BDNF: variants seen among roughly 807,000 people sequenced by gnomAD.
The protein encoded by BDNF is brain derived neurotrophic factor.
A neutral mutation model predicts 19.5 loss-of-function variants in BDNF; 1 was observed. The observed-to-expected ratio is 0.05, with a 90% CI of 0.02 to 0.24. The LOEUF is 0.24. BDNF is among the 10% of genes least tolerant of loss of function. The pLI, the probability that BDNF is intolerant of heterozygous loss-of-function variation, is 1.00. For missense variants in BDNF, 195 were observed against 317.6 expected (o/e 0.61, Z 2.93); for synonymous variants, 100 against 121.6 (o/e 0.82, Z 1.17).
chr11:27,681,766 AAC>A (rs1433002563), intron 1 of BDNF, among the ~76,000 whole-genome samples: 1 of 152,164 alleles, frequency 6.6e-6, no homozygotes, highest in Non-Finnish European at 1.5e-5. Flanking sequence ...TAAAAATAAA[AAC>A]AGTGGCTGAA....
chr11:27,657,617 A>G lies in BDNF; in HGVS notation c.*204T>C. 1 of 1,385,322 alleles carries G rather than the reference A, an allele frequency of 7.2e-7. No homozygotes were observed. The highest frequency in any genetic ancestry group is 9.3e-7 in the Non-Finnish European group (1 of 1,073,642). 85.8% of individuals were successfully genotyped at this position (1,385,322 alleles called of 1,614,324 possible). ...CAAGGAATGTAATGCAGACTTTTTA[A>G]GTTGTGCGCAAATGACTGTTTCCCT... is the stretch of plus-strand genomic sequence containing the variant. On this transcript the variant is annotated 3_prime_UTR_variant, in exon 2 of 2. Transcript: ENST00000356660. The surrounding 1 kb of genome is among the most constrained non-coding windows in gnomAD (Gnocchi z 5.0).
At chr11:27,697,795 C>T (rs1859292929) in intron 1 of BDNF, 1 of 152,146 alleles carries the variant, frequency 6.6e-6, no homozygotes, top group Non-Finnish European at 1.5e-5. Flanking sequence ...ACTAACTCAG[C>T]TCTGAATGGG....
intron 1 of BDNF, chr11:27,699,364 C>A: frequency 6.2e-7 from 1 of 1,614,016 alleles, no homozygotes; most frequent in Non-Finnish European, 8.5e-7. Flanking sequence ...TATTTCTTTC[C>A]AGGAGTAACT....
chr11:27,708,014 A>T (rs892213089), intron 1 of BDNF, among the ~76,000 whole-genome samples: 3 of 152,216 alleles, frequency 2.0e-5, no homozygotes, highest in Non-Finnish European at 2.9e-5. Flanking sequence ...AATGAAGACC[A>T]ACACTTCCTT....
intron 1 of BDNF, chr11:27,699,276 C>T: frequency 6.7e-7 from 1 of 1,500,268 alleles, no homozygotes; most frequent in Non-Finnish European, 9.3e-7. Context: ...AGCCCCGAGG[C>T]TTCTTCCTTA....
intron 1 of BDNF, among the ~76,000 whole-genome samples, chr11:27,681,845 C>T (rs984655820): frequency 6.6e-6 from 1 of 152,070 alleles, no homozygotes; most frequent in African/African-American, 2.4e-5. Context: ...ACATTTAATC[C>T]CTACCAATAC....
chr11:27,706,179 A>T (rs1285248724), intron 1 of BDNF, among the ~76,000 whole-genome samples: 3 of 152,232 alleles, frequency 2.0e-5, no homozygotes, highest in Non-Finnish European at 4.4e-5. Flanking sequence ...TGTTTTACAA[A>T]AGGTAGACAA....
chr11:27,673,792 G>A (rs1426902632), intron 1 of BDNF, among the ~76,000 whole-genome samples: 1 of 152,122 alleles, frequency 6.6e-6, no homozygotes, highest in Non-Finnish European at 1.5e-5. Flanking sequence ...GGGCTTCAAT[G>A]TCATTAATTC....
intron 1 of BDNF, among the ~76,000 whole-genome samples, chr11:27,694,347 A>G (rs1317630605): frequency 6.6e-6 from 1 of 152,170 alleles, no homozygotes; most frequent in African/African-American, 2.4e-5. Context: ...TTTTCCTCCA[A>G]TTTCTGCCTT....
chr11:27,700,409 C>T lies in BDNF; in HGVS notation c.-267G>A. 1 of 985,790 alleles carries T rather than the reference C, an allele frequency of 1.0e-6. No homozygotes were observed. Among genetic ancestry groups the T allele is most frequent in the African/African-American group, 1.7e-5 (1 of 57,308 alleles). The allele number at this position is 985,790 out of a possible 1,614,324, so 61.1% of individuals were successfully genotyped here. A position where few individuals can be genotyped will look rare whatever the true frequency, so the allele number is the denominator to read the frequency against. ...GCGGGACAGCGAGCGGGCGGGTGCGCCCGGGCGCGGCGGCGGCAGCGTCGG... is the reference window on the plus strand; with the variant it reads ...GCGGGACAGCGAGCGGGCGGGTGCGTCCGGGCGCGGCGGCGGCAGCGTCGG... On this transcript the variant is annotated 5_prime_UTR_variant, in exon 1 of 2. Transcript: ENST00000356660.
intron 1 of BDNF, among the ~76,000 whole-genome samples, chr11:27,681,823 A>G (rs1359884960): frequency 2.0e-5 from 3 of 152,186 alleles, no homozygotes; most frequent in Non-Finnish European, 4.4e-5. Flanking sequence ...TAAGCACTTC[A>G]CAGACACTAA....
chr11:27,699,958 T>A (rs1425615873), intron 1 of BDNF, among the ~76,000 whole-genome samples: 1 of 152,108 alleles, frequency 6.6e-6, no homozygotes. Context: ...GGTCCCTTTT[T>A]CCCTGGTGGT....
At chr11:27,671,752 A>G (rs1311421398) in intron 1 of BDNF, among the ~76,000 whole-genome samples, 1 of 152,186 alleles carries the variant, frequency 6.6e-6, no homozygotes, top group Non-Finnish European at 1.5e-5. Context: ...CCATTTTAAC[A>G]TAAAGTAGAA....
At position 27,657,189 on chromosome 11, in the gene BDNF, G is replaced by A. The variant is rs1852679547; in HGVS notation, c.*632C>T. ...TCTTTTATCAGCCAGAATATATATT[G>A]TAGGAATTCTTTCCCCATCTCTACT... On this transcript the variant is annotated 3_prime_UTR_variant, in exon 2 of 2. Transcript: ENST00000356660. The surrounding 1 kb of genome is among the most constrained non-coding windows in gnomAD (Gnocchi z 5.0). 1 of 982,416 alleles carries A rather than the reference G, an allele frequency of 1.0e-6. No homozygotes were observed. The highest frequency in any genetic ancestry group is 1.8e-5 in the African/African-American group (1 of 56,986). 60.9% of individuals were successfully genotyped at this position (982,416 alleles called of 1,614,324 possible). A position where few individuals can be genotyped will look rare whatever the true frequency, so the allele number is the denominator to read the frequency against.
chr11:27,656,712 C>T lies in BDNF; in HGVS notation c.*1109G>A. The T allele has an allele frequency of 1.0e-6, 1 of 985,364 alleles. No individual in the cohort carries two copies. The highest frequency in any genetic ancestry group is 1.2e-6 in the Non-Finnish European group (1 of 829,908). 61.0% of individuals were successfully genotyped at this position (985,364 alleles called of 1,614,324 possible). On this transcript the variant is annotated 3_prime_UTR_variant, in exon 2 of 2. Coordinates refer to ENST00000356660, the MANE Select transcript of BDNF (RefSeq NM_001709.5). Reference sequence around the variant, plus strand: ...GCTTACAAGACATTGTTAAGCCTCACCATGAGTTTTTTTTAAGCTTAGCCA... The same window carrying T: ...GCTTACAAGACATTGTTAAGCCTCATCATGAGTTTTTTTTAAGCTTAGCCA...
chr11:27,720,696 A>G, intron 1 of BDNF: 9 of 985,914 alleles, frequency 9.1e-6, no homozygotes, highest in Non-Finnish European at 1.1e-5. Flanking sequence ...AAGGTGCTGA[A>G]TGGACTCCTA....
chr11:27,669,589 CACAA>C (rs1378728195), intron 1 of BDNF, among the ~76,000 whole-genome samples: 1 of 152,144 alleles, frequency 6.6e-6, no homozygotes, highest in Admixed American at 6.5e-5. Flanking sequence ...GTGCAAAAAT[CACAA>C]GCATTCCTAT....
At position 27,658,550 on chromosome 11, in the gene BDNF, G is replaced by A. The variant is rs1415125856; in HGVS notation, c.15C>T (p.Phe5=). Residue 5 remains phenylalanine, a synonymous_variant, in exon 2 of 2, where the codon TTC becomes TTT. Coordinates refer to ENST00000356660, the MANE Select transcript of BDNF (RefSeq NM_001709.5). The surrounding 1 kb of genome is among the most constrained non-coding windows in gnomAD (Gnocchi z 5.7). The part of the protein sequence containing the change: MTIL[F]LTMVISYFGC... ...CAAAGTATGAAATAACCATAGTAAG[G>A]AAAAGGATGGTCATCACTCTTCTCA... is the stretch of plus-strand genomic sequence containing the variant. 1.1e-5 allele frequency: 18 copies of A among 1,614,034 alleles called. No homozygotes were observed. The highest frequency in any genetic ancestry group is 4.0e-5 in the African/African-American group (3 of 74,938).
At chr11:27,701,943 C>G (rs553500778), upstream of BDNF, among the ~76,000 whole-genome samples, 7 of 152,106 alleles carry the variant, frequency 4.6e-5, no homozygotes, top group Non-Finnish European at 1.0e-4. Context: ...GGGGGCAGAA[C>G]TGGCTCAGTT....
Sources: allele counts gnomAD v4.1 joint callset (sites outside exome capture counted in the v4.1 genomes callset), GRCh38; gene constraint gnomAD v4.1.1; non-coding constraint Gnocchi (gnomAD v3.1); transcripts MANE v1.5; gene names NCBI Gene and HGNC (gene_info 2026-07-23, HGNC 2026-07-21).